The following CSNK2A1 variants were observed in gnomAD, a reference collection of about 807,000 sequenced individuals.
CSNK2A1 encodes the protein casein kinase 2 alpha 1.
A neutral mutation model predicts 62.9 loss-of-function variants in CSNK2A1; 10 were observed. The observed-to-expected ratio is 0.16, with a 90% CI of 0.10 to 0.27. The LOEUF (loss-of-function observed/expected upper bound fraction) is 0.27. Ranked by LOEUF, CSNK2A1 falls within the 10% of genes least tolerant of loss-of-function variation. The pLI is 1.00. For synonymous variants in CSNK2A1, 124 were observed against 167.8 expected (o/e 0.74, Z 2.02); for missense variants, 160 against 492.0 (o/e 0.33, Z 6.38).
At chr20:501,784 T>C (rs1392871373) in intron 4 of CSNK2A1, 1 of 152,174 alleles carries the variant, frequency 6.6e-6, no homozygotes, top group African/African-American at 2.4e-5. Flanking sequence ...AGATTGGTGG[T>C]TACTAAAGTT....
At chr20:486,851 T>C (rs2018111296) in intron 12 of CSNK2A1, 1 of 201,124 alleles carries the variant, frequency 5.0e-6, no homozygotes, top group Non-Finnish European at 1.0e-5. Flanking sequence ...TAGGTCCATG[T>C]AGCTTAGGGC....
At chr20:485,123 T>TATATATATATATATATATATATATAA (rs2018066931) in intron 13 of CSNK2A1, among the ~76,000 whole-genome samples, 1 of 88,900 alleles carries the variant, frequency 1.1e-5, no homozygotes, top group East Asian at 3.2e-4. Flanking sequence ...TATATATATA[T>TATATATATATATATATATATATATAA]ATATATATAT....
chr20:475,643 C>T lies in CSNK2A1; in HGVS notation c.*8318G>A, dbSNP rs2017834957. ...AACATACACACCCTTTGCCATATAA[C>T]CTCATAAAGTTTTCCCAACACAGGC... On this transcript the variant is annotated 3_prime_UTR_variant, in exon 14 of 14. Coordinates refer to ENST00000217244, the MANE Select transcript of CSNK2A1 (RefSeq NM_177559.3). The T allele has an allele frequency of 6.6e-6, 1 of 151,024 alleles. No homozygotes were observed. Among genetic ancestry groups the T allele is most frequent in the South Asian group, 2.1e-4 (1 of 4,694 alleles). 9.4% of individuals were successfully genotyped at this position (151,024 alleles called of 1,614,324 possible).
At chr20:536,588 T>C (rs936677586) in intron 1 of CSNK2A1, among the ~76,000 whole-genome samples, 15 of 152,276 alleles carry the variant, frequency 9.9e-5, no homozygotes, top group African/African-American at 3.6e-4. Flanking sequence ...AAACTCAAAG[T>C]GGGAGTTCTT....
chr20:486,182 C>G (rs897299413), intron 13 of CSNK2A1, among the ~76,000 whole-genome samples, 194 bp downstream of exon 13: 4 of 151,990 alleles, frequency 2.6e-5, no homozygotes, highest in South Asian at 2.1e-4. Flanking sequence ...GAGATTCTAG[C>G]CTAGAAGGGG....
At chr20:524,688 G>A (rs540740325) in intron 2 of CSNK2A1, among the ~76,000 whole-genome samples, 1 of 128,770 alleles carries the variant, frequency 7.8e-6, no homozygotes, top group Non-Finnish European at 1.6e-5. Flanking sequence ...ACTCCAGCAT[G>A]GGTGACGGAG....
At chr20:539,897 C>T (rs2019411707) in intron 1 of CSNK2A1, 1 of 152,226 alleles carries the variant, frequency 6.6e-6, no homozygotes, top group Admixed American at 6.5e-5. Context: ...TCCCAACATA[C>T]CACTGTGAGA....
At chr20:497,681 G>A (rs756514192) in intron 7 of CSNK2A1, 40 bp downstream of exon 7, 1 of 1,521,932 alleles carries the variant, frequency 6.6e-7, no homozygotes. Context: ...ACAAAAAGAA[G>A]ACCAATTTAA....
At chr20:484,190 T>A (rs1380652662) in intron 13 of CSNK2A1, 114 bp from the exon 14 acceptor site, 1 of 842,118 alleles carries the variant, frequency 1.2e-6, no homozygotes, top group African/African-American at 1.8e-5. Flanking sequence ...AGACTTCCTC[T>A]TAGCTGGATT....
intron 2 of CSNK2A1, among the ~76,000 whole-genome samples, chr20:514,601 C>T (rs1203823152): frequency 6.6e-6 from 1 of 151,704 alleles, no homozygotes; most frequent in African/African-American, 2.4e-5. Flanking sequence ...GCCATCAGGC[C>T]CAGCTAATAT....
chr20:487,206 A>G, intron 12 of CSNK2A1: 1 of 619,804 alleles, frequency 1.6e-6, no homozygotes, highest in Non-Finnish European at 2.7e-6. Context: ...ACAGTATGAA[A>G]AGAGTTTATT....
intron 2 of CSNK2A1, among the ~76,000 whole-genome samples, chr20:518,239 T>C (rs2018867616): frequency 6.6e-6 from 1 of 152,230 alleles, no homozygotes; most frequent in South Asian, 2.1e-4. Flanking sequence ...TTGTTGATCC[T>C]GAAAATTAGA....
intron 7 of CSNK2A1, chr20:496,561 G>A (rs2122534406): frequency 6.6e-6 from 1 of 152,292 alleles, no homozygotes. Context: ...GGGCAACTTG[G>A]GTTCCTACAG....
At chr20:495,411 G>T in intron 8 of CSNK2A1, 1 of 321,738 alleles carries the variant, frequency 3.1e-6, no homozygotes, top group Non-Finnish European at 6.0e-6. Flanking sequence ...AGAAAAAGAA[G>T]GCAAATGGAG....
At chr20:536,852 G>A (rs763004132) in intron 1 of CSNK2A1, among the ~76,000 whole-genome samples, 22 of 152,140 alleles carry the variant, frequency 1.4e-4, no homozygotes, top group Non-Finnish European at 2.6e-4. Context: ...TGCCAGAAAC[G>A]TGGCAGGCGC....
chr20:492,476 C>T, intron 8 of CSNK2A1, 112 bp from the exon 9 acceptor site: 1 of 922,456 alleles, frequency 1.1e-6, no homozygotes, highest in Admixed American at 2.4e-5. Context: ...ACTGAAACCC[C>T]TCCACTGACT....
In CSNK2A1 at chr20:481,786, A is replaced by G. The variant is rs1461697520; in HGVS notation, c.*2175T>C. ...CCTCAAAAGAAAGAACTCATTAGTT[A>G]TAAGTGTCCTGTTCAAATCACAATC... is the stretch of plus-strand genomic sequence containing the variant. On this transcript the variant is annotated 3_prime_UTR_variant, in exon 14 of 14. Transcript: ENST00000217244. 2.6e-5 allele frequency: 4 copies of G among 152,212 alleles called. No homozygotes were observed. Among genetic ancestry groups the G allele is most frequent in the South Asian group, 4.1e-4 (2 of 4,826 alleles). The allele number at this position is 152,212 out of a possible 1,614,324, so 9.4% of individuals were successfully genotyped here. A position where few individuals can be genotyped will look rare whatever the true frequency, so the allele number is the denominator to read the frequency against.
intron 4 of CSNK2A1, 26 bp downstream of exon 4, chr20:505,092 C>T: frequency 1.3e-6 from 2 of 1,570,604 alleles, no homozygotes. Context: ...ATTCCAAATA[C>T]CTCTGAAATT....
chr20:524,769 G>T (rs189104480), intron 2 of CSNK2A1, among the ~76,000 whole-genome samples: 1 of 147,844 alleles, frequency 6.8e-6, no homozygotes, highest in African/African-American at 2.5e-5. Context: ...TTATATACAC[G>T]ATGTATACAT....
Sources: gnomAD v4.1 joint callset for allele counts (sites outside exome capture counted in the v4.1 genomes callset) on GRCh38, gnomAD v4.1.1 for gene constraint, MANE v1.5 for transcripts, NCBI Gene and HGNC (gene_info 2026-07-23, HGNC 2026-07-21) for gene names.